BDH1: variants seen among roughly 807,000 people sequenced by gnomAD.
BDH1 encodes the protein 3-hydroxybutyrate dehydrogenase 1.
In BDH1, 30 loss-of-function variants were observed where a neutral mutation model predicts 33.1. That is an observed-to-expected ratio of 0.91 (90% CI 0.68 to 1.23). The LOEUF (loss-of-function observed/expected upper bound fraction) is 1.23. Ranked by LOEUF, BDH1 falls within the 50% of genes most tolerant of loss-of-function variation. The probability of loss-of-function intolerance (pLI) is 0.00; values close to 1 mark genes in which losing one functional copy is unlikely to be tolerated. For synonymous variants in BDH1, 190 were observed against 183.6 expected (o/e 1.03, Z -0.28); for missense variants, 443 against 464.4 (o/e 0.95, Z 0.42).
In BDH1 at chr3:197,516,789, A is replaced by G. The variant is rs1023292370; in HGVS notation, c.410-2373T>C. Among the ~76,000 whole-genome samples, 1 of 151,206 alleles carries G rather than the reference A, an allele frequency of 6.6e-6. No individual in the cohort carries two copies. Among genetic ancestry groups the G allele is most frequent in the Non-Finnish European group, 1.5e-5 (1 of 67,846 alleles). ...CCCTCCCCCACCTACTGAGTCACCC[A>G]GTACTGCTAATATTACAGCTCAAGA... On this transcript the variant is annotated intron_variant, in intron 6 of 7. Coordinates refer to ENST00000392379, the MANE Select transcript of BDH1 (RefSeq NM_203314.3). The surrounding 1 kb of genome is among the most constrained non-coding windows in gnomAD (Gnocchi z 4.2).
chr3:197,540,554 A>T (rs1241449006), intron 3 of BDH1, among the ~76,000 whole-genome samples: 1 of 152,034 alleles, frequency 6.6e-6, no homozygotes, highest in Non-Finnish European at 1.5e-5. Flanking sequence ...CTATAATCCC[A>T]GCTACTCAGG....
rs1713723026 is a variant in BDH1, at chr3:197,523,014, G to A, written c.268-233C>T. 2 of 506,684 alleles carry A rather than the reference G, an allele frequency of 3.9e-6. No homozygotes were observed. The highest frequency in any genetic ancestry group is 6.9e-6 in the Non-Finnish European group (2 of 291,800). 31.4% of individuals were successfully genotyped at this position (506,684 alleles called of 1,614,324 possible). On this transcript the variant is annotated intron_variant, in intron 5 of 7. Coordinates refer to ENST00000392379, the MANE Select transcript of BDH1 (RefSeq NM_203314.3). This position sits in a 1 kb window ranked among gnomAD's most constrained non-coding sequence, Gnocchi z 4.5. ...GACACAACCATGAATAGGATGAAGA[G>A]CCGGCCCCCAAGGCCTCAAGACAGG... is the stretch of plus-strand genomic sequence containing the variant.
At chr3:197,513,506 C>G (rs886251674) in intron 7 of BDH1, among the ~76,000 whole-genome samples, 1 of 146,164 alleles carries the variant, frequency 6.8e-6, no homozygotes, top group Non-Finnish European at 1.5e-5. Context: ...TCAGCCCATC[C>G]AGGTGTGTCC....
intron 2 of BDH1, among the ~76,000 whole-genome samples, chr3:197,553,253 G>A (rs1190327701): frequency 1.3e-5 from 2 of 150,708 alleles, no homozygotes; most frequent in African/African-American, 4.9e-5. Context: ...AGTTTTGGCT[G>A]GGTGTGGTGG....
In BDH1 at chr3:197,525,697, A is replaced by C. The variant is rs1714024539; in HGVS notation, c.268-2916T>G. On this transcript the variant is annotated intron_variant, in intron 5 of 7. Coordinates refer to ENST00000392379, the MANE Select transcript of BDH1 (RefSeq NM_203314.3). The surrounding 1 kb of genome is among the most constrained non-coding windows in gnomAD (Gnocchi z 4.9). The stretch of plus-strand genomic sequence containing the variant: ...ACGCCAATAGGGACAGAAACTACCA[A>C]TTTGCCCCCAGTTATTCAGAGAAAT... Among the ~76,000 whole-genome samples, 1 of 152,018 alleles carries C rather than the reference A, an allele frequency of 6.6e-6. No individual in the cohort carries two copies. Among genetic ancestry groups the C allele is most frequent in the Non-Finnish European group, 1.5e-5 (1 of 67,998 alleles).
At chr3:197,552,219 T>C (rs139917398) in intron 2 of BDH1, among the ~76,000 whole-genome samples, 1 of 152,288 alleles carries the variant, frequency 6.6e-6, no homozygotes, top group East Asian at 1.9e-4. Flanking sequence ...GGCCCAGTGC[T>C]CGGCAAGTCC....
chr3:197,521,997 C>T lies in BDH1; in HGVS notation c.409+643G>A, dbSNP rs1035258029. On this transcript the variant is annotated intron_variant, in intron 6 of 7. Coordinates refer to ENST00000392379, the MANE Select transcript of BDH1 (RefSeq NM_203314.3). This position sits in a 1 kb window ranked among gnomAD's most constrained non-coding sequence, Gnocchi z 4.9. ...TGGGATCCAAGACCTCCCTCCCCAA[C>T]CTCCTTTGCTGCCACCCCCTCTGCG... Among the ~76,000 whole-genome samples the T allele has an allele frequency of 2.6e-5, 4 of 152,190 alleles. No individual in the cohort carries two copies. The highest frequency in any genetic ancestry group is 5.9e-5 in the Non-Finnish European group (4 of 68,046).
At chr3:197,532,280 T>C in intron 5 of BDH1, 132 bp downstream of exon 5, 1 of 687,106 alleles carries the variant, frequency 1.5e-6, no homozygotes, top group Non-Finnish European at 2.6e-6. Context: ...CAAGTGGGAC[T>C]GAAGCCGATG....
intron 2 of BDH1, among the ~76,000 whole-genome samples, chr3:197,547,246 G>C (rs1260135713): frequency 6.6e-6 from 1 of 152,220 alleles, no homozygotes; most frequent in African/African-American, 2.4e-5. Flanking sequence ...ACGGGCATGC[G>C]TTGCCCTCCT....
rs752909726 is a variant in BDH1, at chr3:197,568,761, T to TA, written c.-44+4419dup. ...AGGGAACAATATGAGGATATTTGAT[T>TA]AAAAAAAAAAACACCTCTGCCCATC... On this transcript the variant is annotated intron_variant, in intron 1 of 6. Transcript: ENST00000358186. Among the ~76,000 whole-genome samples, 569 of 145,828 alleles carry TA rather than the reference T, an allele frequency of 3.9e-3. 2 individuals are homozygous for TA. The highest frequency in any genetic ancestry group is 0.012 in the African/African-American group (481 of 39,950).
upstream of BDH1, among the ~76,000 whole-genome samples, chr3:197,559,634 C>T (rs1420471533): frequency 1.3e-5 from 2 of 152,250 alleles, no homozygotes; most frequent in Non-Finnish European, 2.9e-5. Context: ...GCTTATCTTT[C>T]CCAACCCTGC....
At chr3:197,544,724 C>T (rs1411104793) in intron 3 of BDH1, among the ~76,000 whole-genome samples, 1 of 152,248 alleles carries the variant, frequency 6.6e-6, no homozygotes, top group African/African-American at 2.4e-5. Context: ...CAGCTCCAAG[C>T]CATGCCTCTG....
Position 197,543,281 on chromosome 3 carries a change from G to A in BDH1, c.83+3080C>T, listed in dbSNP as rs146207417. 510 of 633,904 alleles carry A rather than the reference G, an allele frequency of 8.0e-4. 1 individual carries two copies. The highest frequency in any genetic ancestry group is 9.4e-4 in the Non-Finnish European group (479 of 509,538). 39.3% of individuals were successfully genotyped at this position (633,904 alleles called of 1,614,324 possible). ...TTTAGCCTGTTTGACCATGAATCCC[G>A]CATGTGATGTGGCAGCCAAAAGAAG... On this transcript the variant is annotated intron_variant, in intron 3 of 7. Coordinates refer to ENST00000392379, the MANE Select transcript of BDH1 (RefSeq NM_203314.3).
chr3:197,529,555 A>T (rs1418317467), intron 5 of BDH1: 1 of 152,236 alleles, frequency 6.6e-6, no homozygotes, highest in East Asian at 1.9e-4. Flanking sequence ...AATAATGTAT[A>T]CACCTGCATT....
intron 3 of BDH1, among the ~76,000 whole-genome samples, chr3:197,542,540 T>TTTTTTTTA (rs1715731114): frequency 1.5e-4 from 22 of 147,614 alleles, no homozygotes; most frequent in Non-Finnish European, 2.4e-4. Context: ...TTTTTTTTTT[T>TTTTTTTTA]GAGACGGAGT....
In BDH1 at chr3:197,511,893, C is replaced by A. The variant is rs1712057128; in HGVS notation, c.*2G>T. On this transcript the variant is annotated 3_prime_UTR_variant, in exon 8 of 8. Coordinates refer to ENST00000392379, the MANE Select transcript of BDH1 (RefSeq NM_203314.3). ...CCCTGACAGAGGCCACAGCGAGACT[C>A]TTCAGCGGATGTAGATCATGTCGGA... 2.6e-6 allele frequency: 4 copies of A among 1,553,398 alleles called. No homozygotes were observed. In the East Asian group the frequency reaches 9.0e-5, roughly 35 times the overall value.
At chr3:197,552,391 G>A (rs974230389) in intron 2 of BDH1, among the ~76,000 whole-genome samples, 2 of 152,138 alleles carry the variant, frequency 1.3e-5, no homozygotes, top group African/African-American at 4.8e-5. Flanking sequence ...AGGATCTTGC[G>A]GAACATAAAT....
upstream of BDH1, among the ~76,000 whole-genome samples, chr3:197,558,632 T>A (rs1393196191): frequency 1.3e-5 from 2 of 152,208 alleles, no homozygotes; most frequent in Non-Finnish European, 2.9e-5. Flanking sequence ...TTTACTGTGA[T>A]TAGAACATGC....
chr3:197,533,614 G>A, intron 3 of BDH1, 53 bp from the exon 4 acceptor site: 1 of 1,564,314 alleles, frequency 6.4e-7, no homozygotes, highest in Non-Finnish European at 8.8e-7. Context: ...CAGACCCTCA[G>A]CCACACTGGC....
Sources: gnomAD v4.1 joint callset for allele counts (sites outside exome capture counted in the v4.1 genomes callset) on GRCh38, gnomAD v4.1.1 for gene constraint, Gnocchi (gnomAD v3.1) non-coding constraint, MANE v1.5 for transcripts, NCBI Gene and HGNC (gene_info 2026-07-23, HGNC 2026-07-21) for gene names.